Variants in PKHD1L1 observed in about 807,000 individuals in gnomAD.
PKHD1L1 encodes the protein PKHD1 like 1.
In PKHD1L1, 434 loss-of-function variants were observed where a neutral mutation model predicts 462.9. That is an observed-to-expected ratio of 0.94 (90% CI 0.87 to 1.02). The LOEUF is 1.02. Ranked by LOEUF, PKHD1L1 falls within the 50% of genes least tolerant of loss-of-function variation. The probability of loss-of-function intolerance (pLI) is 0.00; values close to 1 mark genes in which losing one functional copy is unlikely to be tolerated. For synonymous variants in PKHD1L1, 1,781 were observed against 1,750.0 expected (o/e 1.02, Z -0.44); for missense variants, 5,202 against 5,096.1 (o/e 1.02, Z -0.63).
At chr8:109,398,854 T>G (rs184000201) in intron 12 of PKHD1L1, among the ~76,000 whole-genome samples, 19 of 152,222 alleles carry the variant, frequency 1.2e-4, no homozygotes, top group African/African-American at 4.1e-4. Context: ...AACTAAAACT[T>G]GGTATAGTCT....
intron 2 of PKHD1L1, among the ~76,000 whole-genome samples, chr8:109,380,241 T>C (rs568214785): frequency 5.3e-5 from 8 of 152,306 alleles, no homozygotes; most frequent in African/African-American, 1.7e-4. Flanking sequence ...TATTAAATCT[T>C]AGTAGAGCTC....
intron 1 of PKHD1L1, among the ~76,000 whole-genome samples, chr8:109,364,094 A>T (rs571353891): frequency 5.9e-5 from 9 of 152,222 alleles, no homozygotes; most frequent in Admixed American, 5.9e-4. Context: ...CTCAAAACCA[A>T]CATTTCTCTT....
At chr8:109,387,136 G>A (rs56932873) in intron 6 of PKHD1L1, among the ~76,000 whole-genome samples, 1,835 of 152,206 alleles carry the variant, frequency 0.012, 37 homozygotes, top group African/African-American at 0.041. Context: ...AGGGAGTTGA[G>A]AGCAATGGGC....
chr8:109,515,897 C>A (rs1820243740), intron 72 of PKHD1L1, among the ~76,000 whole-genome samples: 1 of 152,124 alleles, frequency 6.6e-6, no homozygotes, highest in Non-Finnish European at 1.5e-5. Flanking sequence ...AGCATACATT[C>A]CATTCCACAT....
chr8:109,385,434 T>A (rs558406616), intron 5 of PKHD1L1, 103 bp from the exon 6 acceptor site: 1 of 666,646 alleles, frequency 1.5e-6, no homozygotes, highest in Non-Finnish European at 2.5e-6. Flanking sequence ...GGTATAAGTG[T>A]CTGGGTCCTG....
chr8:109,514,887 T>G (rs544576027), intron 71 of PKHD1L1, among the ~76,000 whole-genome samples: 5 of 152,264 alleles, frequency 3.3e-5, no homozygotes, highest in Non-Finnish European at 7.4e-5. Context: ...TGTTCTTTGT[T>G]GTCTTTTAAA....
rs375918986 is a variant in PKHD1L1, at chr8:109,518,361, C to A, written c.11884C>A (p.Leu3962Ile). ...TACCTCTCACAATCTGGTTAAAAAT[C>A]TTGCCTTGTTCCTAAAGATACCAAG... The part of the protein sequence containing the change: ...FYTSHNLVKN[L>I]ALFLKIPSDK... Residue 3962 changes from leucine to isoleucine, a missense_variant, in exon 73 of 78, where the codon CTT becomes ATT. Leu to Ile is a conservative substitution (Grantham distance 5, BLOSUM62 2). Coordinates refer to ENST00000378402, the MANE Select transcript of PKHD1L1 (RefSeq NM_177531.6). 4 of 1,613,420 alleles carry A rather than the reference C, an allele frequency of 2.5e-6. No homozygotes were observed. The highest frequency in any genetic ancestry group is 1.1e-5 in the South Asian group (1 of 91,074).
rs367693243 is a variant in PKHD1L1, at chr8:109,493,728, G to A, written c.10304G>A (p.Arg3435His). 1.2e-4 allele frequency: 188 copies of A among 1,606,536 alleles called. No individual in the cohort carries two copies. Among genetic ancestry groups the A allele is most frequent in the African/African-American group, 1.6e-4 (12 of 74,602 alleles). The change falls in exon 63 of 78, where the codon CGC (arginine) becomes CAC (histidine). Residue 3435 changes from arginine (R) to histidine (H), a missense_variant. Around this residue, in one of 3 missense-constraint regions of PKHD1L1, gnomAD observed 4,497 missense variants for 4,336.8 expected, o/e 1.04. Coordinates refer to ENST00000378402, the MANE Select transcript of PKHD1L1 (RefSeq NM_177531.6). Reference sequence around the variant, plus strand: ...GCTGGATTTGGAAGAGCAGGATACCGCATTGATGGTGAACCTTGCCCAGGT... The same window carrying A: ...GCTGGATTTGGAAGAGCAGGATACCACATTGATGGTGAACCTTGCCCAGGT... Reference protein sequence around the residue: ...VVAGFGRAGYRIDGEPCPGQF... With the variant: ...VVAGFGRAGYHIDGEPCPGQF...
At chr8:109,422,123 C>A (rs1271135771) in intron 23 of PKHD1L1, among the ~76,000 whole-genome samples, 1 of 152,166 alleles carries the variant, frequency 6.6e-6, no homozygotes, top group Admixed American at 6.5e-5. Flanking sequence ...TACCCATTTT[C>A]CCCCAATGAT....
At chr8:109,426,883 C>T in intron 24 of PKHD1L1, 119 bp from the exon 25 acceptor site, 1 of 656,560 alleles carries the variant, frequency 1.5e-6, no homozygotes, top group Middle Eastern at 4.4e-4. Flanking sequence ...AAACGCCTGA[C>T]CTCAGGTGAC....
At chr8:109,384,436 C>T (rs773248715) in intron 5 of PKHD1L1, among the ~76,000 whole-genome samples, 1 of 151,752 alleles carries the variant, frequency 6.6e-6, no homozygotes, top group Non-Finnish European at 1.5e-5. Context: ...CCAGCTACTC[C>T]GGAGGCTGAG....
intron 76 of PKHD1L1, among the ~76,000 whole-genome samples, chr8:109,525,427 A>G (rs1276108785): frequency 6.6e-6 from 1 of 152,212 alleles, no homozygotes; most frequent in Admixed American, 6.5e-5. Flanking sequence ...CCCAAATCTA[A>G]TAACACCATT....
Position 109,526,940 on chromosome 8 carries a change from T to C in PKHD1L1, c.12641T>C (p.Val4214Ala). The C allele has an allele frequency of 6.2e-7, 1 of 1,613,736 alleles. No individual in the cohort carries two copies. ...TVGTYAQIMT[V>A]VISCLVGRMW... Reference sequence around the variant, plus strand: ...GGTACATATGCCCAGATAATGACTGTAGTAATTAGCTGTCTGGTTGGAAGA... The same window carrying C: ...GGTACATATGCCCAGATAATGACTGCAGTAATTAGCTGTCTGGTTGGAAGA... Residue 4214 changes from valine to alanine, a missense_variant, in exon 77 of 78, where the codon GTA becomes GCA. Val to Ala is a moderately conservative substitution (Grantham distance 64, BLOSUM62 0). Around this residue, in one of 3 missense-constraint regions of PKHD1L1, gnomAD observed 698 missense variants for 736.3 expected, o/e 0.95. Transcript: ENST00000378402.
intron 44 of PKHD1L1, among the ~76,000 whole-genome samples, 152 bp downstream of exon 44, chr8:109,454,398 A>G (rs1271216973): frequency 6.6e-6 from 1 of 152,160 alleles, no homozygotes; most frequent in Non-Finnish European, 1.5e-5. Flanking sequence ...CCTTTATGCA[A>G]GGAGAAAAGT....
intron 33 of PKHD1L1, 68 bp from the exon 34 acceptor site, chr8:109,441,207 A>G (rs1464186985): frequency 1.1e-5 from 12 of 1,107,222 alleles, no homozygotes; most frequent in East Asian, 2.7e-5. Flanking sequence ...CTTCATCTCT[A>G]TAATTCACAA....
chr8:109,514,319 C>T (rs1820154839), intron 71 of PKHD1L1, among the ~76,000 whole-genome samples: 1 of 152,164 alleles, frequency 6.6e-6, no homozygotes, highest in East Asian at 1.9e-4. Context: ...CTTTTCTCCA[C>T]AGGATTCATC....
At chr8:109,365,705 G>T in intron 2 of PKHD1L1, among the ~76,000 whole-genome samples, 1 of 152,220 alleles carries the variant, frequency 6.6e-6, no homozygotes, top group East Asian at 1.9e-4. Context: ...GCTAGGCGCG[G>T]TGGCTCAAGC....
Position 109,372,871 on chromosome 8 carries a change from GATAA to G in PKHD1L1, c.163+8236_163+8239del, listed in dbSNP as rs746806440. ...GGATGAAGCCCACTTGATCATGGTG[GATAA>G]GCTTTTTGATGTGCTGCTGGATTTG... On this transcript the variant is annotated intron_variant, in intron 2 of 77. Coordinates refer to ENST00000378402, the MANE Select transcript of PKHD1L1 (RefSeq NM_177531.6). Among the ~76,000 whole-genome samples the G allele has an allele frequency of 2.9e-3, 435 of 152,266 alleles. 1 individual carries two copies. Among genetic ancestry groups the G allele is most frequent in the Non-Finnish European group, 4.3e-3 (295 of 68,014 alleles).
intron 64 of PKHD1L1, 24 bp from the exon 65 acceptor site, chr8:109,497,126 T>C (rs745628676): frequency 4.3e-6 from 7 of 1,613,308 alleles, no homozygotes; most frequent in South Asian, 1.1e-5. Context: ...CTTAGTATTA[T>C]GTAACCTGCA....
Sources: gnomAD v4.1 joint callset for allele counts (sites outside exome capture counted in the v4.1 genomes callset) on GRCh38, gnomAD v4.1.1 for gene constraint, gnomAD v4.1.1 regional missense constraint, MANE v1.5 for transcripts, NCBI Gene and HGNC (gene_info 2026-07-23, HGNC 2026-07-21) for gene names.